Variants in DSCAM observed in about 807,000 individuals in gnomAD.
DSCAM encodes cell adhesion molecule DSCAM.
Under a neutral mutation model 217.7 loss-of-function variants are expected in DSCAM, and 47 were observed. The observed-to-expected ratio is 0.22, with a 90% CI of 0.17 to 0.28. The LOEUF is 0.28. Among genes scored for constraint, DSCAM ranks in the 10% least tolerant of loss-of-function variants. The pLI is 1.00. For synonymous variants in DSCAM, 1,056 were observed against 1,015.3 expected, an observed-to-expected ratio of 1.04 and a Z score of -0.76; for missense variants, 2,080 against 2,618.3, an observed-to-expected ratio of 0.79 and a Z score of 4.49.
intron 15 of DSCAM, among the ~76,000 whole-genome samples, chr21:40,170,228 C>G (rs958417521): frequency 3.9e-5 from 6 of 152,200 alleles, no homozygotes; most frequent in African/African-American, 1.4e-4. Flanking sequence ...CCTCCCGCTG[C>G]AGCTGACACC....
intron 1 of DSCAM, among the ~76,000 whole-genome samples, chr21:40,786,940 C>T (rs936840477): frequency 4.6e-5 from 7 of 152,178 alleles, no homozygotes; most frequent in African/African-American, 1.7e-4. Context: ...GTTACTTTCC[C>T]AGGATGACAC....
intron 5 of DSCAM, among the ~76,000 whole-genome samples, chr21:40,350,125 C>T (rs527600690): frequency 2.0e-5 from 3 of 152,052 alleles, no homozygotes; most frequent in Admixed American, 6.6e-5. Context: ...ACACCTTATA[C>T]GAAAATTAAC....
chr21:40,482,314 G>A (rs2075990017), intron 3 of DSCAM, among the ~76,000 whole-genome samples: 1 of 152,292 alleles, frequency 6.6e-6, no homozygotes, highest in Middle Eastern at 3.4e-3. Flanking sequence ...GTAGCTTTAT[G>A]CCCTTATAGC....
At chr21:40,324,124 A>G (rs1347507652) in intron 8 of DSCAM, among the ~76,000 whole-genome samples, 3,211 of 140,494 alleles carry the variant, frequency 0.023, 97 homozygotes, top group African/African-American at 0.088. Context: ...AAAAAAAAAA[A>G]AAAAAAAGAA....
In DSCAM at chr21:40,090,755, G is replaced by A. The variant is rs576232115; in HGVS notation, c.3850+2966C>T. Among the ~76,000 whole-genome samples the A allele has an allele frequency of 4.7e-4, 72 of 152,196 alleles. No homozygotes were observed. In the South Asian group the frequency reaches 7.9e-3, roughly 17 times the overall value. The stretch of plus-strand genomic sequence containing the variant: ...GTAAGCGATATCCAGACGCTGACCC[G>A]CCTGAATTTCTGCCTCCTGCCAGAT... On this transcript the variant is annotated intron_variant, in intron 21 of 32. Coordinates refer to ENST00000400454, the MANE Select transcript of DSCAM (RefSeq NM_001389.5).
chr21:40,465,649 A>G (rs2075838610), intron 3 of DSCAM, among the ~76,000 whole-genome samples: 1 of 152,158 alleles, frequency 6.6e-6, no homozygotes, highest in Non-Finnish European at 1.5e-5. Flanking sequence ...AACATGAGAC[A>G]TTTTTGCAAT....
At position 40,198,980 on chromosome 21, in the gene DSCAM, T is replaced by C. The variant is rs370518396; in HGVS notation, c.2357-9742A>G. On this transcript the variant is annotated intron_variant, in intron 11 of 32. Transcript: ENST00000400454. ...CACTTCCTAGGCAGCCTCTACTGCT[T>C]CCAGTAGAAAGAAACAGCCCAGGTA... is the stretch of plus-strand genomic sequence containing the variant. Among the ~76,000 whole-genome samples the C allele has an allele frequency of 1.6e-3, 246 of 152,242 alleles. 3 individuals carry two copies. Among genetic ancestry groups the C allele is most frequent in the African/African-American group, 5.7e-3 (238 of 41,556 alleles).
rs373921750 is a variant in DSCAM, at chr21:40,353,629, C to G, written c.770G>C (p.Arg257Pro). ...CAGGGGCATGTTGTCCTTCAGCCAG[C>G]GGTAATCTGGCTCAGGGTGCCCGAG... is the stretch of plus-strand genomic sequence containing the variant. ...KALGHPEPDY[R>P]WLKDNMPLEL... Residue 257 changes from arginine to proline, a missense_variant, in exon 5 of 33, where the codon CGC becomes CCC. By Grantham distance (103) the Arg-to-Pro change is moderately radical. Coordinates refer to ENST00000400454, the MANE Select transcript of DSCAM (RefSeq NM_001389.5). 6.2e-7 allele frequency: 1 copy of G among 1,611,766 alleles called. No individual in the cohort carries two copies. Among genetic ancestry groups the G allele is most frequent in the Non-Finnish European group, 8.5e-7 (1 of 1,179,524 alleles).
chr21:40,620,050 AAAG>A lies in DSCAM; in HGVS notation c.508+72757_508+72759del, dbSNP rs1270956619. On this transcript the variant is annotated intron_variant, in intron 3 of 32. Coordinates refer to ENST00000400454, the MANE Select transcript of DSCAM (RefSeq NM_001389.5). ...AAAGAGAGAGAGAAAGAGAGAGAAA[AAAG>A]AAAAAGAAAGAAAGAGAGAAAGAGA... 4.3e-5 allele frequency among the ~76,000 whole-genome samples: 5 copies of A among 116,452 alleles called. No individual in the cohort carries two copies. In the East Asian group the frequency reaches 1.2e-3, roughly 27 times the overall value. The allele number at this position is 116,452 out of a possible 152,430, so 76.4% of individuals were successfully genotyped here. A position where few individuals can be genotyped will look rare whatever the true frequency, so the allele number is the denominator to read the frequency against.
intron 11 of DSCAM, among the ~76,000 whole-genome samples, chr21:40,194,567 C>T (rs2146841785): frequency 6.6e-6 from 1 of 152,310 alleles, no homozygotes; most frequent in East Asian, 1.9e-4. Context: ...GTGCTGCGTG[C>T]CTCTCTTGCA....
chr21:40,815,273 G>A (rs1193926929), intron 1 of DSCAM, among the ~76,000 whole-genome samples: 1 of 152,068 alleles, frequency 6.6e-6, no homozygotes, highest in African/African-American at 2.4e-5. Context: ...ACTGCCACGA[G>A]ATAAGGCTAT....
At chr21:40,820,700 T>C (rs1005413849) in intron 1 of DSCAM, among the ~76,000 whole-genome samples, 3 of 152,214 alleles carry the variant, frequency 2.0e-5, no homozygotes, top group Admixed American at 6.5e-5. Context: ...TCCATAGCCA[T>C]GTAAAAATTC....
chr21:40,716,273 TC>T (rs1242293420), intron 1 of DSCAM, among the ~76,000 whole-genome samples: 3 of 152,200 alleles, frequency 2.0e-5, no homozygotes, highest in Non-Finnish European at 4.4e-5. Context: ...TAAGGGACCA[TC>T]CATCTGCCTA....
At chr21:40,460,640 A>G (rs1040877149) in intron 3 of DSCAM, among the ~76,000 whole-genome samples, 2 of 152,212 alleles carry the variant, frequency 1.3e-5, no homozygotes, top group African/African-American at 4.8e-5. Flanking sequence ...ACCCAAAAAC[A>G]TGATGGATGA....
At chr21:40,403,659 ACAC>A (rs1436777874) in intron 3 of DSCAM, among the ~76,000 whole-genome samples, 9 of 150,782 alleles carry the variant, frequency 6.0e-5, no homozygotes, top group South Asian at 2.1e-4. Flanking sequence ...ACACACACAC[ACAC>A]AATACACATG....
At chr21:40,143,915 T>C (rs975938279) in intron 17 of DSCAM, among the ~76,000 whole-genome samples, 3 of 152,178 alleles carry the variant, frequency 2.0e-5, no homozygotes, top group African/African-American at 7.2e-5. Flanking sequence ...CCTAAAACAC[T>C]GTGCCTCTGG....
chr21:40,267,300 G>C (rs2073552249), intron 11 of DSCAM, among the ~76,000 whole-genome samples: 1 of 151,776 alleles, frequency 6.6e-6, no homozygotes. Context: ...GTAGTCTAAA[G>C]TAATTATGAA....
chr21:40,065,230 TGG>T (rs2146524853), intron 27 of DSCAM, among the ~76,000 whole-genome samples: 1 of 152,136 alleles, frequency 6.6e-6, no homozygotes, highest in African/African-American at 2.4e-5. Flanking sequence ...GCAGCAATCT[TGG>T]GAGAGACTTG....
chr21:40,138,436 G>A (rs968712915), intron 18 of DSCAM, among the ~76,000 whole-genome samples: 18 of 147,962 alleles, frequency 1.2e-4, no homozygotes, highest in African/African-American at 3.5e-4. Context: ...TGGGGTGTGC[G>A]TGGTGTGGTG....
Sources: gnomAD v4.1 joint callset for allele counts (sites outside exome capture counted in the v4.1 genomes callset) on GRCh38, gnomAD v4.1.1 for gene constraint, MANE v1.5 for transcripts, NCBI Gene and HGNC (gene_info 2026-07-23, HGNC 2026-07-21) for gene names.